GID4: variants seen among roughly 807,000 people sequenced by gnomAD.
GID4 encodes GID complex subunit 4 homolog, also known as glucose-induced degradation protein 4 homolog.
A neutral mutation model predicts 32.4 loss-of-function variants in GID4; 7 were observed. The ratio of observed to expected loss-of-function variants is 0.22; its 90% confidence interval spans 0.12 to 0.41. GID4 has a LOEUF of 0.41. GID4 is among the 10% of genes least tolerant of loss of function. The pLI is 1.00. For synonymous variants in GID4, 166 were observed against 170.0 expected (o/e 0.98, Z 0.18); for missense variants, 309 against 400.0 (o/e 0.77, Z 1.94).
At chr17:18,044,540 A>C (rs2044833835) in intron 1 of GID4, among the ~76,000 whole-genome samples, 1 of 152,226 alleles carries the variant, frequency 6.6e-6, no homozygotes, top group South Asian at 2.1e-4. Context: ...GAACATTCAC[A>C]ATATAGTCAG....
Position 18,045,303 on chromosome 17 carries a change from C to T in GID4, c.498+97C>T, listed in dbSNP as rs2044842045. 3.6e-6 allele frequency: 3 copies of T among 823,936 alleles called. No individual in the cohort carries two copies. The South Asian group carries it at 4.6e-5, about 13-fold the overall frequency. The allele number at this position is 823,936 out of a possible 1,614,324, so 51.0% of individuals were successfully genotyped here. A position where few individuals can be genotyped will look rare whatever the true frequency, so the allele number is the denominator to read the frequency against. On this transcript the variant is annotated intron_variant, in intron 2 of 5. Transcript: ENST00000268719. ...GCAGGCGGTCTCAACTCCTTGAGGC[C>T]TAATTAAAGCAGACTACTCCTGAGC...
Position 18,065,257 on chromosome 17 carries a change from C to G in GID4, c.*14C>G. 1 of 1,606,100 alleles carries G rather than the reference C, an allele frequency of 6.2e-7. No individual in the cohort carries two copies. Among genetic ancestry groups the G allele is most frequent in the Non-Finnish European group, 8.5e-7 (1 of 1,172,640 alleles). ...GAATTCCGGTGACAACGGTTCAGAA[C>G]AGCAACCAAATAAAACTGAACTTGG... On this transcript the variant is annotated 3_prime_UTR_variant, in exon 6 of 6. Transcript: ENST00000268719.
chr17:18,065,118 A>G (rs1410833573), intron 5 of GID4, 62 bp from the exon 6 acceptor site: 2 of 1,219,686 alleles, frequency 1.6e-6, no homozygotes, highest in East Asian at 2.3e-5. Context: ...GGGGTTACTA[A>G]TGTCCTTTGC....
rs745688907 is a variant in GID4, at chr17:18,058,865, C to T, written c.607-3C>T. 1 of 1,591,550 alleles carries T rather than the reference C, an allele frequency of 6.3e-7. No individual in the cohort carries two copies. The highest frequency in any genetic ancestry group is 1.1e-5 in the South Asian group (1 of 90,578). ...ATCGGCACACTCTCTTTTCTGCTTT[C>T]AGGGCAAGTTTCTGGCTTTTTATCA... is the stretch of plus-strand genomic sequence containing the variant. On this transcript the variant is annotated splice_polypyrimidine_tract_variant and splice_region_variant and intron_variant, in intron 3 of 5. Coordinates refer to ENST00000268719, the MANE Select transcript of GID4 (RefSeq NM_024052.5).
chr17:18,039,878 G>T lies in GID4; in HGVS notation c.414G>T (p.Ser138=), dbSNP rs1376898484. 2.4e-5 allele frequency: 36 copies of T among 1,518,970 alleles called. No homozygotes were observed. Among genetic ancestry groups the T allele is most frequent in the Non-Finnish European group, 3.1e-5 (35 of 1,128,898 alleles). The allele number at this position is 1,518,970 out of a possible 1,614,324, so 94.1% of individuals were successfully genotyped here. Residue 138 remains serine (S), a synonymous_variant, in exon 1 of 6, where the codon TCG becomes TCT. Transcript: ENST00000268719. The surrounding 1 kb of genome is among the most constrained non-coding windows in gnomAD (Gnocchi z 5.3). ...GCCACCAGAAGAGCAAGGGGAACTCGTACGACGTAGAGGTGGTGCTGCAGG... is the reference window on the plus strand; with the variant it reads ...GCCACCAGAAGAGCAAGGGGAACTCTTACGACGTAGAGGTGGTGCTGCAGG... The part of the protein sequence containing the change: ...FRGHQKSKGN[S]YDVEVVLQHV...
At position 18,066,259 on chromosome 17, in the gene GID4, A is replaced by G. The variant is rs2045060996; in HGVS notation, c.*1016A>G. The G allele has an allele frequency of 6.6e-6, 1 of 152,616 alleles. No individual in the cohort carries two copies. Among genetic ancestry groups the G allele is most frequent in the Non-Finnish European group, 1.5e-5 (1 of 68,042 alleles). 9.5% of individuals were successfully genotyped at this position (152,616 alleles called of 1,614,324 possible). ...TGCCTAAATTATAGTGCTCAACACA[A>G]GAACTGTTTTTGGGGCCAGTTTAGC... On this transcript the variant is annotated 3_prime_UTR_variant, in exon 6 of 6. Transcript: ENST00000268719.
At chr17:18,047,490 G>C (rs1449744615) in intron 2 of GID4, among the ~76,000 whole-genome samples, 1 of 152,240 alleles carries the variant, frequency 6.6e-6, no homozygotes, top group Non-Finnish European at 1.5e-5. Context: ...TAATGGCATT[G>C]AGCTCTCCAT....
At chr17:18,057,178 T>TG (rs1386247913) in intron 3 of GID4, 2 of 1,019,078 alleles carry the variant, frequency 2.0e-6, no homozygotes, top group Non-Finnish European at 2.8e-6. Flanking sequence ...ATGCCTGTAA[T>TG]GCCAGCACTT....
At chr17:18,063,661 C>CA (rs1383313223) in intron 5 of GID4, among the ~76,000 whole-genome samples, 2 of 152,166 alleles carry the variant, frequency 1.3e-5, no homozygotes, top group African/African-American at 4.8e-5. Context: ...TTTCACTTAG[C>CA]ATAATGCTTT....
chr17:18,048,766 CCG>C (rs1269735279), intron 2 of GID4, among the ~76,000 whole-genome samples: 1 of 151,824 alleles, frequency 6.6e-6, no homozygotes. Flanking sequence ...CCTCAGCCTC[CCG>C]AGTAGCTGGA....
At chr17:18,040,588 T>A (rs2145543013) in intron 1 of GID4, among the ~76,000 whole-genome samples, 1 of 152,006 alleles carries the variant, frequency 6.6e-6, no homozygotes, top group South Asian at 2.1e-4. Context: ...ACTGCTTCTG[T>A]CTCTTCATGG....
intron 2 of GID4, among the ~76,000 whole-genome samples, chr17:18,045,793 C>G (rs2044847208): frequency 6.6e-6 from 1 of 150,586 alleles, no homozygotes; most frequent in South Asian, 2.1e-4. Flanking sequence ...ACTTGGGAGT[C>G]TGAGGCACAG....
intron 4 of GID4, 100 bp downstream of exon 4, chr17:18,059,069 C>A: frequency 2.9e-6 from 2 of 679,280 alleles, no homozygotes; most frequent in Non-Finnish European, 2.6e-6. Context: ...GTCCAGTGCT[C>A]GTCACAGCTG....
rs1443146460 is a variant in GID4, at chr17:18,058,754, C to T, written c.607-114C>T. The T allele has an allele frequency of 2.4e-5, 16 of 661,080 alleles. 1 individual carries two copies. The highest frequency in any genetic ancestry group is 3.8e-5 in the Non-Finnish European group (14 of 367,394). 41.0% of individuals were successfully genotyped at this position (661,080 alleles called of 1,614,324 possible). The stretch of plus-strand genomic sequence containing the variant: ...GTCTTAGCTGCCCTTTTGGGAGCCA[C>T]GTCCCTAGCTGTCATGCCTTGGGAA... On this transcript the variant is annotated intron_variant, in intron 3 of 5. Coordinates refer to ENST00000268719, the MANE Select transcript of GID4 (RefSeq NM_024052.5).
intron 1 of GID4, among the ~76,000 whole-genome samples, chr17:18,041,575 A>G (rs2044804005): frequency 6.6e-6 from 1 of 152,160 alleles, no homozygotes; most frequent in Non-Finnish European, 1.5e-5. Flanking sequence ...TTAAAATGTG[A>G]GAGTCGAGTA....
At position 18,061,696 on chromosome 17, in the gene GID4, G is replaced by T. The variant is rs1211621288; in HGVS notation, c.709-149G>T. ...TTAGAAGTCAGGCTGAGACCCCACG[G>T]GCCCGCCATCACCCAGCAAGTCTAG... On this transcript the variant is annotated intron_variant, in intron 4 of 5. Transcript: ENST00000268719. The surrounding 1 kb of genome is among the most constrained non-coding windows in gnomAD (Gnocchi z 4.4). 1 of 719,932 alleles carries T rather than the reference G, an allele frequency of 1.4e-6. No individual in the cohort carries two copies. Among genetic ancestry groups the T allele is most frequent in the African/African-American group, 1.8e-5 (1 of 56,640 alleles). 44.6% of individuals were successfully genotyped at this position (719,932 alleles called of 1,614,324 possible). A position where few individuals can be genotyped will look rare whatever the true frequency, so the allele number is the denominator to read the frequency against.
intron 3 of GID4, chr17:18,056,733 CT>C: frequency 6.4e-7 from 1 of 1,550,600 alleles, no homozygotes; most frequent in South Asian, 1.2e-5. Context: ...TCTGCAGACT[CT>C]GCTAGACTGG....
chr17:18,044,181 A>G (rs1048365753), intron 1 of GID4, among the ~76,000 whole-genome samples: 1 of 152,198 alleles, frequency 6.6e-6, no homozygotes, highest in African/African-American at 2.4e-5. Flanking sequence ...TTCAAAAGCC[A>G]GGGATTTTTC....
chr17:18,042,260 A>G (rs1255530949), intron 1 of GID4, among the ~76,000 whole-genome samples: 1 of 152,198 alleles, frequency 6.6e-6, no homozygotes, highest in Non-Finnish European at 1.5e-5. Context: ...ACCACAACCT[A>G]ATTTTAGAAT....
Sources: gnomAD v4.1 joint callset for allele counts (sites outside exome capture counted in the v4.1 genomes callset) on GRCh38, gnomAD v4.1.1 for gene constraint, Gnocchi (gnomAD v3.1) non-coding constraint, MANE v1.5 for transcripts, NCBI Gene and HGNC (gene_info 2026-07-23, HGNC 2026-07-21) for gene names.